RBM19: variants seen among roughly 807,000 people sequenced by gnomAD.
The protein encoded by RBM19 is RNA binding motif protein 19.
RBM19 carries 94 observed loss-of-function variants against 116.8 expected under a neutral mutation model. The observed-to-expected ratio is 0.80, with a 90% CI of 0.68 to 0.95. The LOEUF (loss-of-function observed/expected upper bound fraction) is 0.95. Ranked by LOEUF, RBM19 falls within the 40% of genes least tolerant of loss-of-function variation. RBM19 has a pLI of 0.00. For synonymous variants in RBM19, 475 were observed against 494.1 expected (o/e 0.96, Z 0.51); for missense variants, 1,161 against 1,220.7 (o/e 0.95, Z 0.73).
chr12:113,926,643 C>T (rs56205483), intron 17 of RBM19, among the ~76,000 whole-genome samples: 18,729 of 152,144 alleles, frequency 0.12, 1,444 homozygotes, highest in African/African-American at 0.2. Flanking sequence ...AAAATCTCAC[C>T]CCATCCAGGG....
Position 113,842,563 on chromosome 12 carries a change from C to T in RBM19, c.2785+2105G>A, listed in dbSNP as rs543396945. On this transcript the variant is annotated intron_variant, in intron 23 of 23. Transcript: ENST00000261741. ...CATGTGCCAGGTACTATGCTGGGCA[C>T]GGGGGACCCAGGGAAGAACTGATCA... Among the ~76,000 whole-genome samples, 15 of 152,320 alleles carry T rather than the reference C, an allele frequency of 9.8e-5. No homozygotes were observed. In the South Asian group the frequency reaches 1.2e-3, roughly 13 times the overall value.
chr12:113,917,064 C>T (rs1882815855), intron 20 of RBM19, among the ~76,000 whole-genome samples: 1 of 152,190 alleles, frequency 6.6e-6, no homozygotes, highest in African/African-American at 2.4e-5. Context: ...GCTGCAGAAG[C>T]TTCTATGGAA....
chr12:113,940,810 A>G (rs1183890504), intron 14 of RBM19, among the ~76,000 whole-genome samples: 1 of 152,186 alleles, frequency 6.6e-6, no homozygotes, highest in Non-Finnish European at 1.5e-5. Flanking sequence ...TTCTGGGAGA[A>G]CCAAAACTAA....
intron 23 of RBM19, among the ~76,000 whole-genome samples, chr12:113,837,189 A>G (rs1409425302): frequency 1.3e-5 from 2 of 150,652 alleles, no homozygotes; most frequent in African/African-American, 4.9e-5. Context: ...ACACACACAC[A>G]GACACACACA....
chr12:113,954,292 A>T (rs758388730), intron 7 of RBM19, among the ~76,000 whole-genome samples: 24 of 152,034 alleles, frequency 1.6e-4, no homozygotes, highest in African/African-American at 5.3e-4. Context: ...ACCCTGTCTC[A>T]CACACACACA....
At chr12:113,951,924 C>T (rs1871504325) in intron 8 of RBM19, among the ~76,000 whole-genome samples, 1 of 152,342 alleles carries the variant, frequency 6.6e-6, no homozygotes, top group South Asian at 2.1e-4. Flanking sequence ...CAGTGTGGTT[C>T]TCTTGAGAAG....
At chr12:113,891,703 C>T (rs1880975226) in intron 21 of RBM19, among the ~76,000 whole-genome samples, 1 of 152,206 alleles carries the variant, frequency 6.6e-6, no homozygotes, top group South Asian at 2.1e-4. Context: ...TGGGTTGCAG[C>T]TACTGCTCTG....
intron 19 of RBM19, among the ~76,000 whole-genome samples, chr12:113,919,894 G>T (rs1402806658): frequency 1.3e-5 from 2 of 152,092 alleles, no homozygotes; most frequent in Non-Finnish European, 2.9e-5. Flanking sequence ...AGAGGCTGGA[G>T]TAGAAGCCAG....
chr12:113,858,502 G>T (rs1036581724), intron 22 of RBM19, among the ~76,000 whole-genome samples: 1 of 152,182 alleles, frequency 6.6e-6, no homozygotes, highest in Admixed American at 6.5e-5. Context: ...TGATGACGTG[G>T]AGAGGCCTGG....
At chr12:113,871,703 G>A (rs1593512048) in intron 21 of RBM19, among the ~76,000 whole-genome samples, 1 of 152,186 alleles carries the variant, frequency 6.6e-6, no homozygotes, top group African/African-American at 2.4e-5. Flanking sequence ...TTTAGGACAG[G>A]GGCAAACAGC....
chr12:113,924,530 A>AG (rs1868881045), intron 18 of RBM19, among the ~76,000 whole-genome samples, 167 bp downstream of exon 18: 1 of 152,194 alleles, frequency 6.6e-6, no homozygotes, highest in South Asian at 2.1e-4. Flanking sequence ...GAACAGAAAG[A>AG]GGGGCTATTT....
At chr12:113,957,755 C>A in intron 6 of RBM19, 27 bp downstream of exon 6, 1 of 1,544,044 alleles carries the variant, frequency 6.5e-7, no homozygotes. Context: ...CACCTCCTCC[C>A]TCATCACCTG....
chr12:113,861,001 A>G (rs555262960), intron 21 of RBM19, among the ~76,000 whole-genome samples: 1 of 152,376 alleles, frequency 6.6e-6, no homozygotes, highest in Non-Finnish European at 1.5e-5. Flanking sequence ...TGAAATACAC[A>G]TAGCACAAAT....
intron 18 of RBM19, among the ~76,000 whole-genome samples, chr12:113,920,948 T>A (rs986044588): frequency 1.3e-5 from 2 of 152,224 alleles, no homozygotes; most frequent in Non-Finnish European, 2.9e-5. Flanking sequence ...ATAATTAACT[T>A]CATAATAGGA....
chr12:113,838,854 G>T (rs566047614), intron 23 of RBM19, among the ~76,000 whole-genome samples: 2 of 152,216 alleles, frequency 1.3e-5, no homozygotes, highest in African/African-American at 4.8e-5. Flanking sequence ...GGTAATTCAC[G>T]CTGGTGGGGC....
At chr12:113,889,247 T>C (rs559772647) in intron 21 of RBM19, among the ~76,000 whole-genome samples, 1 of 152,198 alleles carries the variant, frequency 6.6e-6, no homozygotes, top group South Asian at 2.1e-4. Flanking sequence ...AAAGTGACTC[T>C]AGACATTTCC....
At position 113,847,225 on chromosome 12, in the gene RBM19, G is replaced by A. The variant is rs1027876706; in HGVS notation, c.2665-2437C>T. On this transcript the variant is annotated intron_variant, in intron 22 of 23. Coordinates refer to ENST00000261741, the MANE Select transcript of RBM19 (RefSeq NM_016196.4). ...CAAATGAATCCGAAGAGACAAAAGG[G>A]AGGTGACTAGAACATGCATCTTTTT... Among the ~76,000 whole-genome samples, 3 of 152,246 alleles carry A rather than the reference G, an allele frequency of 2.0e-5. No individual in the cohort carries two copies. In the South Asian group the frequency reaches 6.2e-4, roughly 31 times the overall value.
At chr12:113,853,078 T>C (rs577428007) in intron 22 of RBM19, among the ~76,000 whole-genome samples, 109 of 152,264 alleles carry the variant, frequency 7.2e-4, no homozygotes, top group Non-Finnish European at 1.3e-3. Flanking sequence ...GTGAAGACAG[T>C]AGGCTCACAG....
chr12:113,905,871 G>A (rs4238036), intron 21 of RBM19, among the ~76,000 whole-genome samples: 1 of 152,184 alleles, frequency 6.6e-6, no homozygotes, highest in South Asian at 2.1e-4. Context: ...TTGACTTCCT[G>A]AACTATCAGG....
Sources: allele counts gnomAD v4.1 joint callset (sites outside exome capture counted in the v4.1 genomes callset), GRCh38; gene constraint gnomAD v4.1.1; transcripts MANE v1.5; gene names NCBI Gene and HGNC (gene_info 2026-07-23, HGNC 2026-07-21).